The following TPM3 variants were observed in gnomAD, a reference collection of about 807,000 sequenced individuals.
The protein encoded by TPM3 is tropomyosin 3.
Under a neutral mutation model 43.1 loss-of-function variants are expected in TPM3, and 16 were observed. That is an observed-to-expected ratio of 0.37 (90% CI 0.25 to 0.56). The LOEUF (loss-of-function observed/expected upper bound fraction) is 0.56, where lower values mean the gene tolerates loss of function less well. Ranked by LOEUF, TPM3 falls within the 20% of genes least tolerant of loss-of-function variation. The pLI, the probability that TPM3 is intolerant of heterozygous loss-of-function variation, is 0.77. For synonymous variants in TPM3, 101 were observed against 116.9 expected, an observed-to-expected ratio of 0.86 and a Z score of 0.88; for missense variants, 176 against 337.2, an observed-to-expected ratio of 0.52 and a Z score of 3.74.
Position 154,191,331 on chromosome 1 carries a change from CA to C in TPM3, c.118-21del. ...CTCCAGCTATAGGAGCCCAGAGAGT[CA>C]CACACAAAAACACACAAACACAACA... is the stretch of plus-strand genomic sequence containing the variant. On this transcript the variant is annotated intron_variant, in intron 1 of 9. Coordinates refer to ENST00000651641, the MANE Select transcript of TPM3 (RefSeq NM_152263.4). The C allele has an allele frequency of 6.2e-7, 1 of 1,613,628 alleles. No homozygotes were observed. The highest frequency in any genetic ancestry group is 8.5e-7 in the Non-Finnish European group (1 of 1,180,010).
intron 2 of TPM3, among the ~76,000 whole-genome samples, chr1:154,183,451 C>T (rs1663210249): frequency 6.6e-6 from 1 of 152,174 alleles, no homozygotes. Context: ...GCCTCTCCCG[C>T]CAGGCTGGCT....
intron 5 of TPM3, chr1:154,172,536 G>A (rs1184895295): frequency 4.2e-5 from 20 of 479,244 alleles, no homozygotes; most frequent in South Asian, 3.0e-4. Context: ...GGGACTACAG[G>A]TTTGAGCCAC....
chr1:154,183,660 G>A (rs1663229243), intron 2 of TPM3: 1 of 176,260 alleles, frequency 5.7e-6, no homozygotes, highest in Admixed American at 5.5e-5. Flanking sequence ...AAGACTTTCT[G>A]GGCCTCAGGT....
intron 8 of TPM3, 28 bp downstream of exon 8, chr1:154,170,372 A>C: frequency 1.6e-5 from 26 of 1,611,764 alleles, no homozygotes; most frequent in Non-Finnish European, 2.2e-5. Flanking sequence ...ATATTTCTCT[A>C]TTTCAATCCC....
At chr1:154,158,780 G>C, downstream of TPM3, 2 of 608,300 alleles carry the variant, frequency 3.3e-6, no homozygotes, top group Middle Eastern at 4.4e-4. Context: ...CTTCTAAAGG[G>C]ACAGAAACTT....
At chr1:154,157,055 G>GCA (rs1481026393), downstream of TPM3, 1 of 205,962 alleles carries the variant, frequency 4.9e-6, no homozygotes, top group Non-Finnish European at 9.9e-6. Context: ...AACTTGAACA[G>GCA]CACATTTTTT....
intron 5 of TPM3, 102 bp from the exon 6 acceptor site, chr1:154,171,590 G>C: frequency 7.9e-7 from 1 of 1,261,282 alleles, no homozygotes; most frequent in Non-Finnish European, 1.1e-6. Context: ...TATGTAGAGA[G>C]AGTTGGAAGG....
intron 5 of TPM3, chr1:154,172,197 G>GA (rs761198665): frequency 7.9e-3 from 8,811 of 1,120,698 alleles, no homozygotes; most frequent in Non-Finnish European, 9.6e-3. Context: ...GCAGCAAAAC[G>GA]AAAAAAAAAA....
intron 3 of TPM3, among the ~76,000 whole-genome samples, chr1:154,174,102 G>A (rs929185930): frequency 1.3e-5 from 2 of 151,634 alleles, no homozygotes; most frequent in African/African-American, 2.4e-5. Flanking sequence ...GGAGGCCGAA[G>A]CCGGCAGATC....
chr1:154,187,560 G>T, intron 2 of TPM3: 1 of 965,294 alleles, frequency 1.0e-6, no homozygotes, highest in Non-Finnish European at 1.2e-6. Context: ...AATATACTGA[G>T]TAGACCACAT....
At chr1:154,171,248 T>G (rs1349562426) in intron 6 of TPM3, 165 bp downstream of exon 6, 1 of 740,360 alleles carries the variant, frequency 1.4e-6, no homozygotes. Context: ...GCAATCAAAG[T>G]GCACAGAAAA....
intron 2 of TPM3, chr1:154,183,314 C>A: frequency 6.8e-7 from 1 of 1,478,630 alleles, no homozygotes; most frequent in Non-Finnish European, 9.0e-7. Flanking sequence ...GGGAGAGCCG[C>A]GGCAGGGAGT....
intron 3 of TPM3, among the ~76,000 whole-genome samples, 161 bp from the exon 4 acceptor site, chr1:154,173,362 T>G (rs916941677): frequency 6.6e-6 from 1 of 152,186 alleles, no homozygotes; most frequent in Non-Finnish European, 1.5e-5. Context: ...TTTAATTATT[T>G]CATTTAAAAT....
At chr1:154,156,228 T>C (rs1382107402), downstream of TPM3, 1 of 177,454 alleles carries the variant, frequency 5.6e-6, no homozygotes, top group Non-Finnish European at 1.2e-5. Flanking sequence ...TGAAACTTCA[T>C]CTCAAAAATA....
At position 154,163,915 on chromosome 1, in the gene TPM3, G is replaced by C. The variant is rs1223111802; in HGVS notation, c.*4022C>G. Among the ~76,000 whole-genome samples, 2 of 152,084 alleles carry C rather than the reference G, an allele frequency of 1.3e-5. No individual in the cohort carries two copies. Among genetic ancestry groups the C allele is most frequent in the Non-Finnish European group, 2.9e-5 (2 of 68,020 alleles). On this transcript the variant is annotated 3_prime_UTR_variant, in exon 10 of 10. Coordinates refer to ENST00000651641, the MANE Select transcript of TPM3 (RefSeq NM_152263.4). ...CCCAAAGTGCTGGGATTACAGGCGT[G>C]AGCCACCGTGCCTGGCCTCTTTTTT...
intron 2 of TPM3, among the ~76,000 whole-genome samples, chr1:154,188,819 A>G (rs911702332): frequency 6.6e-6 from 1 of 151,362 alleles, no homozygotes; most frequent in Non-Finnish European, 1.5e-5. Flanking sequence ...AGTGGTGGAA[A>G]ACAAAACAGA....
At chr1:154,157,809 A>G, downstream of TPM3, 1 of 773,990 alleles carries the variant, frequency 1.3e-6, no homozygotes, top group Non-Finnish European at 2.4e-6. Context: ...TGTTGCAGAG[A>G]AGCTGCAGAC....
At chr1:154,158,519 C>T (rs1244416381), downstream of TPM3, 1 of 343,208 alleles carries the variant, frequency 2.9e-6, no homozygotes, top group Non-Finnish European at 5.5e-6. Flanking sequence ...GACCCATATT[C>T]ATATCCCACA....
At chr1:154,158,411 G>A (rs1660017323), downstream of TPM3, among the ~76,000 whole-genome samples, 1 of 152,164 alleles carries the variant, frequency 6.6e-6, no homozygotes, top group Non-Finnish European at 1.5e-5. Flanking sequence ...GAACATTAAG[G>A]AGAATCTAAT....
Sources: allele counts gnomAD v4.1 joint callset (sites outside exome capture counted in the v4.1 genomes callset), GRCh38; gene constraint gnomAD v4.1.1; transcripts MANE v1.5; gene names NCBI Gene and HGNC (gene_info 2026-07-23, HGNC 2026-07-21).